The following PPARGC1A variants were observed in gnomAD, a reference collection of about 807,000 sequenced individuals.
PPARGC1A encodes peroxisome proliferator-activated receptor gamma coactivator 1-alpha.
PPARGC1A carries 25 observed loss-of-function variants against 88.7 expected under a neutral mutation model. That is an observed-to-expected ratio of 0.28 (90% CI 0.21 to 0.39). The LOEUF (loss-of-function observed/expected upper bound fraction) is 0.39, where lower values mean the gene tolerates loss of function less well. PPARGC1A is among the 10% of genes least tolerant of loss of function. The pLI is 1.00. For synonymous variants in PPARGC1A, 363 were observed against 355.6 expected (o/e 1.02, Z -0.24); for missense variants, 880 against 968.7 (o/e 0.91, Z 1.22).
At chr4:24,067,416 G>A in the PPARGC1A span, among the ~76,000 whole-genome samples, 290 of 152,244 alleles carry the variant, frequency 1.9e-3, 1 homozygote, top group Non-Finnish European at 3.5e-3. Context: ...TGCCCCCAAA[G>A]GGACGCCTCT....
chr4:24,333,654 C>T, the PPARGC1A span, among the ~76,000 whole-genome samples: 36 of 152,174 alleles, frequency 2.4e-4, no homozygotes, highest in South Asian at 2.1e-3. Flanking sequence ...TCACTAGTGG[C>T]GGTGTGCGGT....
the PPARGC1A span, among the ~76,000 whole-genome samples, chr4:24,386,715 C>T: frequency 2.0e-5 from 3 of 152,116 alleles, no homozygotes; most frequent in Non-Finnish European, 4.4e-5. Context: ...AGGAGTACTA[C>T]AAACCACTGC....
At chr4:24,088,187 C>A in the PPARGC1A span, among the ~76,000 whole-genome samples, 2 of 151,906 alleles carry the variant, frequency 1.3e-5, no homozygotes, top group African/African-American at 4.8e-5. Flanking sequence ...CAATATACAA[C>A]AAATAAAAGA....
At chr4:23,929,063 C>G in the PPARGC1A span, among the ~76,000 whole-genome samples, 3 of 152,024 alleles carry the variant, frequency 2.0e-5, no homozygotes, top group African/African-American at 7.2e-5. Flanking sequence ...ATAGGTGCAG[C>G]AAACCACCAT....
chr4:23,921,654 G>C, the PPARGC1A span, among the ~76,000 whole-genome samples: 1 of 152,318 alleles, frequency 6.6e-6, no homozygotes, highest in African/African-American at 2.4e-5. Flanking sequence ...CGCACTTTGT[G>C]TGTGGCTCTC....
the PPARGC1A span, among the ~76,000 whole-genome samples, chr4:23,964,579 T>C: frequency 6.6e-6 from 1 of 152,170 alleles, no homozygotes; most frequent in East Asian, 1.9e-4. Flanking sequence ...ATGCAGGTGG[T>C]ATATGGATCT....
the PPARGC1A span, among the ~76,000 whole-genome samples, chr4:24,429,416 G>C: frequency 6.6e-6 from 1 of 152,220 alleles, no homozygotes; most frequent in Non-Finnish European, 1.5e-5. Context: ...GGAGACAAAG[G>C]CATATTAGCA....
the PPARGC1A span, among the ~76,000 whole-genome samples, chr4:24,280,780 T>C: frequency 6.6e-6 from 1 of 152,210 alleles, no homozygotes; most frequent in East Asian, 1.9e-4. Flanking sequence ...TTTTCAGGCA[T>C]GTATCCATTG....
At chr4:24,337,354 C>T in the PPARGC1A span, among the ~76,000 whole-genome samples, 2 of 152,266 alleles carry the variant, frequency 1.3e-5, no homozygotes, top group East Asian at 3.9e-4. Context: ...TGAACAGCTA[C>T]GGAGTAGTTA....
the PPARGC1A span, among the ~76,000 whole-genome samples, chr4:24,313,435 T>TA: frequency 8.5e-5 from 13 of 152,234 alleles, no homozygotes; most frequent in Non-Finnish European, 1.6e-4. Context: ...AAAATGCCTG[T>TA]AATCTCTGAT....
chr4:24,009,521 C>T, the PPARGC1A span, among the ~76,000 whole-genome samples: 4 of 152,196 alleles, frequency 2.6e-5, no homozygotes, highest in Admixed American at 2.0e-4. Context: ...TGAGAAGCTG[C>T]GCATTTCAGG....
chr4:24,019,001 T>A, the PPARGC1A span, among the ~76,000 whole-genome samples: 2 of 152,230 alleles, frequency 1.3e-5, no homozygotes, highest in African/African-American at 2.4e-5. Context: ...ATGCTCAGCA[T>A]ATTTGAACAA....
the PPARGC1A span, among the ~76,000 whole-genome samples, chr4:24,238,926 G>A: frequency 2.6e-5 from 4 of 151,830 alleles, no homozygotes; most frequent in Admixed American, 2.6e-4. Flanking sequence ...ACATTCTTTG[G>A]GAATTTTTAC....
chr4:24,050,921 C>T, the PPARGC1A span, among the ~76,000 whole-genome samples: 2 of 152,224 alleles, frequency 1.3e-5, no homozygotes, highest in Admixed American at 6.5e-5. Flanking sequence ...GGCGCAGTGG[C>T]TCACGCCTGT....
At chr4:23,941,389 G>T in the PPARGC1A span, among the ~76,000 whole-genome samples, 1 of 152,018 alleles carries the variant, frequency 6.6e-6, no homozygotes, top group Admixed American at 6.6e-5. Flanking sequence ...TGTCTAAATG[G>T]ATTAACCAAA....
chr4:24,278,792 T>C, the PPARGC1A span, among the ~76,000 whole-genome samples: 1 of 151,422 alleles, frequency 6.6e-6, no homozygotes, highest in Non-Finnish European at 1.5e-5. Context: ...AGTCGTATGA[T>C]TTTTTTTTAC....
chr4:24,214,294 T>C, the PPARGC1A span, among the ~76,000 whole-genome samples: 15,623 of 152,172 alleles, frequency 0.1, 941 homozygotes, highest in East Asian at 0.17. Context: ...AACTACAGAC[T>C]GGTAAAACAA....
the PPARGC1A span, among the ~76,000 whole-genome samples, chr4:24,125,658 C>A: frequency 2.7e-5 from 4 of 149,942 alleles, no homozygotes; most frequent in Non-Finnish European, 5.9e-5. Context: ...AAAAAAATGG[C>A]ATTAAATCTG....
the PPARGC1A span, among the ~76,000 whole-genome samples, chr4:24,226,202 C>T: frequency 6.6e-5 from 10 of 152,172 alleles, no homozygotes; most frequent in African/African-American, 2.2e-4. Flanking sequence ...AATGTGCTCA[C>T]GTTTGTCTGA....
Sources: gnomAD v4.1 joint callset for allele counts (sites outside exome capture counted in the v4.1 genomes callset) on GRCh38, gnomAD v4.1.1 for gene constraint, MANE v1.5 for transcripts, NCBI Gene and HGNC (gene_info 2026-07-23, HGNC 2026-07-21) for gene names.